The following WDR41 variants were observed in gnomAD, a reference collection of about 807,000 sequenced individuals.
WDR41 encodes WD repeat-containing protein 41.
Under a neutral mutation model 69.3 loss-of-function variants are expected in WDR41, and 63 were observed. The ratio of observed to expected loss-of-function variants is 0.91; its 90% CI spans 0.74 to 1.12. WDR41 has a LOEUF of 1.12. Ranked by LOEUF, WDR41 falls within the 50% of genes most tolerant of loss-of-function variation. WDR41 has a pLI of 0.00. For synonymous variants in WDR41, 185 were observed against 192.1 expected, an observed-to-expected ratio of 0.96 and a Z score of 0.31; for missense variants, 543 against 534.5, an observed-to-expected ratio of 1.02 and a Z score of -0.16.
chr5:77,591,989 T>A (rs932324309), intron 1 of WDR41, among the ~76,000 whole-genome samples: 6 of 152,158 alleles, frequency 3.9e-5, no homozygotes, highest in African/African-American at 1.4e-4. Context: ...CAATTATGAT[T>A]ATGAAATTAT....
chr5:77,546,321 C>T (rs1743197987), intron 1 of WDR41: 2 of 260,000 alleles, frequency 7.7e-6, no homozygotes, highest in Non-Finnish European at 1.4e-5. Flanking sequence ...AAAGATAAAT[C>T]AAACAAAAAG....
At chr5:77,433,837 G>C (rs1163872434) in intron 12 of WDR41, among the ~76,000 whole-genome samples, 1 of 152,182 alleles carries the variant, frequency 6.6e-6, no homozygotes, top group African/African-American at 2.4e-5. Flanking sequence ...ACATGTCACA[G>C]AAATTCAGAA....
intron 1 of WDR41, among the ~76,000 whole-genome samples, chr5:77,523,417 G>A (rs1049007326): frequency 1.3e-5 from 2 of 151,918 alleles, no homozygotes; most frequent in Middle Eastern, 6.8e-3. Flanking sequence ...CTTTTCTGAG[G>A]GGAAATAATT....
intron 1 of WDR41, among the ~76,000 whole-genome samples, chr5:77,564,739 C>T (rs1743589498): frequency 6.6e-6 from 1 of 152,128 alleles, no homozygotes; most frequent in South Asian, 2.1e-4. Context: ...TCCTTATCTC[C>T]AGTCCTGACC....
At chr5:77,447,047 C>G (rs1799413105) in intron 8 of WDR41, among the ~76,000 whole-genome samples, 1 of 152,124 alleles carries the variant, frequency 6.6e-6, no homozygotes, top group African/African-American at 2.4e-5. Flanking sequence ...GGTCTAATAT[C>G]CAGAATTTAC....
chr5:77,502,237 T>A (rs1371018075), intron 1 of WDR41, among the ~76,000 whole-genome samples: 1 of 151,944 alleles, frequency 6.6e-6, no homozygotes, highest in East Asian at 1.9e-4. Flanking sequence ...CAAGCTTCAA[T>A]AGCCAATTCA....
intron 1 of WDR41, among the ~76,000 whole-genome samples, chr5:77,535,263 C>T (rs963476811): frequency 3.9e-5 from 6 of 152,128 alleles, no homozygotes; most frequent in Admixed American, 1.3e-4. Flanking sequence ...TCCTCCCACT[C>T]CATCTTCCCC....
At chr5:77,482,913 C>T (rs1195807592) in intron 2 of WDR41, among the ~76,000 whole-genome samples, 1 of 151,298 alleles carries the variant, frequency 6.6e-6, no homozygotes, top group African/African-American at 2.4e-5. Flanking sequence ...CCCGGAACCT[C>T]CACCCCCACT....
chr5:77,607,137 T>C (rs187804316), intron 1 of WDR41, among the ~76,000 whole-genome samples: 132 of 152,048 alleles, frequency 8.7e-4, no homozygotes, highest in African/African-American at 3.0e-3. Context: ...AGGATAAGAG[T>C]AATATTATCA....
chr5:77,472,276 A>T (rs971581332), intron 2 of WDR41, among the ~76,000 whole-genome samples: 91 of 152,312 alleles, frequency 6.0e-4, no homozygotes, highest in Non-Finnish European at 4.4e-5. Context: ...ACATATCTCA[A>T]ACTAATAAGA....
At chr5:77,603,338 T>C (rs765623101) in intron 1 of WDR41, among the ~76,000 whole-genome samples, 13 of 152,236 alleles carry the variant, frequency 8.5e-5, no homozygotes, top group Admixed American at 2.0e-4. Flanking sequence ...CATTTTTTCA[T>C]ATACCTGTTG....
At chr5:77,464,482 A>G (rs549984840) in intron 3 of WDR41, among the ~76,000 whole-genome samples, 1 of 151,734 alleles carries the variant, frequency 6.6e-6, no homozygotes, top group Non-Finnish European at 1.5e-5. Flanking sequence ...CCTGGCCCCA[A>G]GTTATCCGTT....
intron 5 of WDR41, 60 bp from the exon 6 acceptor site, chr5:77,453,988 G>C: frequency 7.5e-7 from 1 of 1,332,836 alleles, no homozygotes; most frequent in East Asian, 2.3e-5. Flanking sequence ...TTGTTCAGTG[G>C]TTTAAAAATA....
chr5:77,464,056 G>A (rs1239568801), intron 3 of WDR41, among the ~76,000 whole-genome samples: 1 of 149,822 alleles, frequency 6.7e-6, no homozygotes, highest in Non-Finnish European at 1.5e-5. Context: ...AAAAAAAAAA[G>A]GCTTTTGTAA....
intron 2 of WDR41, among the ~76,000 whole-genome samples, chr5:77,468,195 C>T (rs887437846): frequency 2.6e-5 from 4 of 152,048 alleles, no homozygotes; most frequent in Non-Finnish European, 5.9e-5. Flanking sequence ...ATTATGAGAA[C>T]TAAATTTATT....
rs1270111438 is a variant in WDR41, at chr5:77,471,886, C to G, written c.168-7077G>C. 4.6e-5 allele frequency among the ~76,000 whole-genome samples: 7 copies of G among 152,288 alleles called. No individual in the cohort carries two copies. The East Asian group carries it at 9.6e-4, about 21-fold the overall frequency. On this transcript the variant is annotated intron_variant, in intron 2 of 12. Coordinates refer to ENST00000296679, the MANE Select transcript of WDR41 (RefSeq NM_018268.4). ...TGGTACCATTCCTTCTGAAACTACTCCAATCAACAGAAAAAGAGGGAATCC... is the reference window on the plus strand; with the variant it reads ...TGGTACCATTCCTTCTGAAACTACTGCAATCAACAGAAAAAGAGGGAATCC...
chr5:77,609,410 T>C (rs995945490), intron 1 of WDR41, among the ~76,000 whole-genome samples: 1 of 152,042 alleles, frequency 6.6e-6, no homozygotes, highest in Non-Finnish European at 1.5e-5. Flanking sequence ...CACCCCCCAG[T>C]AGGGGCAGAC....
At chr5:77,492,416 G>A, upstream of WDR41, 2 of 619,174 alleles carry the variant, frequency 3.2e-6, no homozygotes, top group Non-Finnish European at 5.2e-6. Context: ...CCCGTACCCA[G>A]CCACGGAGGC....
chr5:77,563,629 A>G (rs747122830), intron 1 of WDR41, among the ~76,000 whole-genome samples: 24 of 152,312 alleles, frequency 1.6e-4, no homozygotes, highest in Middle Eastern at 6.8e-3. Flanking sequence ...ACCAGGCACT[A>G]GAAGGTAATT....
Sources: allele counts gnomAD v4.1 joint callset (sites outside exome capture counted in the v4.1 genomes callset), GRCh38; gene constraint gnomAD v4.1.1; transcripts MANE v1.5; gene names NCBI Gene and HGNC (gene_info 2026-07-23, HGNC 2026-07-21).